Variants in SP100 observed in about 807,000 individuals in gnomAD.
SP100 encodes nuclear autoantigen Sp-100.
Under a neutral mutation model 130.0 loss-of-function variants are expected in SP100, and 84 were observed. The observed-to-expected ratio is 0.65, with a 90% CI of 0.54 to 0.77. The LOEUF is 0.77. Among genes scored for constraint, SP100 ranks in the 30% least tolerant of loss-of-function variants. SP100 has a pLI of 0.00. For synonymous variants in SP100, 331 were observed against 351.7 expected (o/e 0.94, Z 0.66); for missense variants, 978 against 1,052.2 (o/e 0.93, Z 0.97).
chr2:230,540,137 C>G (rs1692111704), intron 25 of SP100, among the ~76,000 whole-genome samples: 1 of 152,148 alleles, frequency 6.6e-6, no homozygotes. Context: ...TTTGGTTGAG[C>G]CCTTGTATAG....
intron 17 of SP100, among the ~76,000 whole-genome samples, chr2:230,478,861 C>T (rs2065692405): frequency 6.6e-6 from 1 of 152,030 alleles, no homozygotes; most frequent in Non-Finnish European, 1.5e-5. Context: ...AGCTCTGTCA[C>T]CCAGGCCAGA....
At chr2:230,521,173 A>G (rs1691153921) in intron 24 of SP100, among the ~76,000 whole-genome samples, 1 of 152,208 alleles carries the variant, frequency 6.6e-6, no homozygotes, top group South Asian at 2.1e-4. Context: ...GTGGATGCAG[A>G]GAAAAGGGAG....
At chr2:230,444,470 A>G in intron 4 of SP100, 124 bp downstream of exon 4, 1 of 746,868 alleles carries the variant, frequency 1.3e-6, no homozygotes, top group Non-Finnish European at 2.2e-6. Context: ...TTAACAAAAT[A>G]GACATGCCAT....
chr2:230,521,428 T>G (rs978318242), intron 24 of SP100, among the ~76,000 whole-genome samples: 5 of 152,186 alleles, frequency 3.3e-5, no homozygotes, highest in African/African-American at 4.8e-5. Context: ...CCTGCCTAAC[T>G]GACTATCTGC....
intron 24 of SP100, among the ~76,000 whole-genome samples, chr2:230,525,954 T>C (rs1691402664): frequency 6.6e-6 from 1 of 152,164 alleles, no homozygotes; most frequent in Non-Finnish European, 1.5e-5. Flanking sequence ...ACTGCCTCTA[T>C]AGATTCCACC....
chr2:230,524,622 A>T (rs1382209072), intron 24 of SP100, among the ~76,000 whole-genome samples: 1 of 152,190 alleles, frequency 6.6e-6, no homozygotes, highest in Admixed American at 6.5e-5. Context: ...AAATAAATAA[A>T]ATATAAATGG....
intron 2 of SP100, among the ~76,000 whole-genome samples, chr2:230,429,916 A>G (rs2063047918): frequency 6.6e-6 from 1 of 152,152 alleles, no homozygotes; most frequent in Non-Finnish European, 1.5e-5. Context: ...TGAACTTTTT[A>G]AAGAGAATTA....
chr2:230,505,941 A>G (rs1204825487), intron 21 of SP100, among the ~76,000 whole-genome samples: 1 of 152,206 alleles, frequency 6.6e-6, no homozygotes, highest in Non-Finnish European at 1.5e-5. Flanking sequence ...TCTGAAATTC[A>G]GGCTGACTCT....
intron 16 of SP100, among the ~76,000 whole-genome samples, 198 bp from the exon 17 acceptor site, chr2:230,474,196 G>C (rs1575689002): frequency 6.6e-6 from 1 of 152,184 alleles, no homozygotes; most frequent in Non-Finnish European, 1.5e-5. Flanking sequence ...GTAATGAAGA[G>C]CTGTTTCAAA....
chr2:230,430,319 C>A (rs1385706340), intron 2 of SP100, among the ~76,000 whole-genome samples: 1 of 152,222 alleles, frequency 6.6e-6, no homozygotes, highest in Non-Finnish European at 1.5e-5. Flanking sequence ...AACGGCCAGG[C>A]TCTAAGATGG....
chr2:230,526,510 C>T (rs1038818037), intron 24 of SP100, among the ~76,000 whole-genome samples: 1 of 152,148 alleles, frequency 6.6e-6, no homozygotes, highest in Admixed American at 6.5e-5. Context: ...TCTTCTCCTC[C>T]AAAGGATTGC....
In SP100 at chr2:230,464,370, G is replaced by A. The variant is rs1352070779; in HGVS notation, c.1141+220G>A. On this transcript the variant is annotated intron_variant, in intron 11 of 28. Coordinates refer to ENST00000340126, the MANE Select transcript of SP100 (RefSeq NM_001080391.2). ...CTTGTTTAACTGGATTGGTTCAATCGATTGATACATTGAAAATGTAGCAAA... is the reference window on the plus strand; with the variant it reads ...CTTGTTTAACTGGATTGGTTCAATCAATTGATACATTGAAAATGTAGCAAA... Among the ~76,000 whole-genome samples the A allele has an allele frequency of 8.9e-4, 136 of 152,098 alleles. 1 individual carries two copies. The highest frequency in any genetic ancestry group is 2.6e-4 in the Non-Finnish European group (18 of 68,010).
chr2:230,446,336 T>C (rs1382417851), intron 4 of SP100, among the ~76,000 whole-genome samples: 1 of 152,190 alleles, frequency 6.6e-6, no homozygotes, highest in Non-Finnish European at 1.5e-5. Flanking sequence ...CTCAAAATCC[T>C]GGGCTCAAGC....
chr2:230,512,682 T>C lies in SP100; in HGVS notation c.2094+1516T>C, dbSNP rs546443554. ...AGTTTTTCCACAGACCGGGATGGGG[T>C]TGGGGGCAGGATGATTTTGGGATGT... On this transcript the variant is annotated intron_variant, in intron 24 of 28. Transcript: ENST00000340126. Among the ~76,000 whole-genome samples, 4 of 152,242 alleles carry C rather than the reference T, an allele frequency of 2.6e-5. 1 individual carries two copies. In the South Asian group the frequency reaches 8.3e-4, roughly 32 times the overall value.
chr2:230,492,988 A>T (rs141502496), intron 17 of SP100, among the ~76,000 whole-genome samples: 1 of 152,052 alleles, frequency 6.6e-6, no homozygotes, highest in Non-Finnish European at 1.5e-5. Flanking sequence ...TCAATTCTTT[A>T]TTTATCTTTA....
At chr2:230,462,303 A>G in intron 9 of SP100, 132 bp from the exon 10 acceptor site, 1 of 627,844 alleles carries the variant, frequency 1.6e-6, no homozygotes, top group East Asian at 2.7e-5. Context: ...GCATGCATTC[A>G]AGGAACACCC....
At chr2:230,484,055 T>C (rs1340189958) in intron 17 of SP100, among the ~76,000 whole-genome samples, 1 of 152,216 alleles carries the variant, frequency 6.6e-6, no homozygotes, top group Non-Finnish European at 1.5e-5. Flanking sequence ...CACAGCCTTC[T>C]TGTACTTAGG....
intron 21 of SP100, 141 bp from the exon 22 acceptor site, chr2:230,506,162 C>A: frequency 1.3e-6 from 1 of 750,496 alleles, no homozygotes; most frequent in Non-Finnish European, 2.2e-6. Context: ...GGGTATGAAG[C>A]CCCTGATATC....
At chr2:230,446,769 C>T (rs1342317984) in intron 4 of SP100, 50 bp from the exon 5 acceptor site, 2 of 1,165,082 alleles carry the variant, frequency 1.7e-6, no homozygotes, top group Non-Finnish European at 1.3e-6. Context: ...CAGACATTGT[C>T]CCTGGTCCCT....
Sources: allele counts gnomAD v4.1 joint callset (sites outside exome capture counted in the v4.1 genomes callset), GRCh38; gene constraint gnomAD v4.1.1; transcripts MANE v1.5; gene names NCBI Gene and HGNC (gene_info 2026-07-23, HGNC 2026-07-21).